Variants in DLG2 observed in about 807,000 individuals in gnomAD.
DLG2 encodes disks large homolog 2.
DLG2 carries 45 observed loss-of-function variants against 132.5 expected under a neutral mutation model. The ratio of observed to expected loss-of-function variants is 0.34; its 90% confidence interval spans 0.27 to 0.44. The LOEUF is 0.44. DLG2 is among the 20% of genes least tolerant of loss of function. DLG2 has a pLI of 1.00. For synonymous variants in DLG2, 424 were observed against 419.6 expected, an observed-to-expected ratio of 1.01 and a Z score of -0.13; for missense variants, 1,045 against 1,196.9, an observed-to-expected ratio of 0.87 and a Z score of 1.87.
At chr11:84,249,133 C>T (rs1481788874) in intron 8 of DLG2, among the ~76,000 whole-genome samples, 1 of 152,152 alleles carries the variant, frequency 6.6e-6, no homozygotes, top group Non-Finnish European at 1.5e-5. Context: ...AATTTAGATC[C>T]ACCACAAGAA....
intron 6 of DLG2, among the ~76,000 whole-genome samples, chr11:84,680,896 G>C (rs1194622956): frequency 6.6e-6 from 1 of 152,146 alleles, no homozygotes; most frequent in East Asian, 1.9e-4. Context: ...GAGAAAAGTA[G>C]ATTCTTTCAC....
chr11:85,221,976 C>G (rs1414673929), intron 4 of DLG2, among the ~76,000 whole-genome samples: 6 of 151,650 alleles, frequency 4.0e-5, no homozygotes, highest in African/African-American at 1.2e-4. Flanking sequence ...CTCACTCTGC[C>G]AGCCAGGCTG....
chr11:83,631,798 C>T (rs1591320755), intron 19 of DLG2: 1 of 152,190 alleles, frequency 6.6e-6, no homozygotes, highest in Middle Eastern at 3.4e-3. Flanking sequence ...TGATTTAGTT[C>T]TATCCTATTA....
At chr11:85,103,234 C>T (rs985430334) in intron 6 of DLG2, among the ~76,000 whole-genome samples, 1 of 151,928 alleles carries the variant, frequency 6.6e-6, no homozygotes, top group Admixed American at 6.6e-5. Flanking sequence ...TCCCAGCAGG[C>T]TTCTGTAGAA....
chr11:84,750,535 C>G (rs958710225), intron 6 of DLG2, among the ~76,000 whole-genome samples: 1 of 151,746 alleles, frequency 6.6e-6, no homozygotes. Flanking sequence ...AAATAAATAT[C>G]ATATATAAAT....
intron 6 of DLG2, among the ~76,000 whole-genome samples, chr11:84,779,979 A>G (rs934192664): frequency 1.3e-5 from 2 of 151,966 alleles, no homozygotes; most frequent in African/African-American, 4.8e-5. Flanking sequence ...AACTAATACC[A>G]ATCCTCCTAA....
chr11:83,985,918 G>C (rs1050227410), intron 11 of DLG2, among the ~76,000 whole-genome samples: 11 of 151,910 alleles, frequency 7.2e-5, no homozygotes, highest in Admixed American at 6.6e-5. Context: ...AGGTCTTTGA[G>C]GAATTGCCAC....
intron 6 of DLG2, among the ~76,000 whole-genome samples, chr11:84,891,954 T>C (rs2089464099): frequency 6.6e-6 from 1 of 152,200 alleles, no homozygotes; most frequent in Non-Finnish European, 1.5e-5. Context: ...TTCAAGTGAA[T>C]TTTAGATTTC....
At chr11:84,062,533 T>C (rs895863183) in intron 10 of DLG2, among the ~76,000 whole-genome samples, 1 of 152,222 alleles carries the variant, frequency 6.6e-6, no homozygotes, top group Non-Finnish European at 1.5e-5. Context: ...GGACATACTA[T>C]GTGCAATATC....
intron 3 of DLG2, among the ~76,000 whole-genome samples, chr11:85,406,062 T>C (rs76556807): frequency 1.3e-5 from 2 of 151,940 alleles, no homozygotes; most frequent in African/African-American, 2.4e-5. Context: ...TCTTATGTCA[T>C]AGTGAGTACT....
At chr11:83,914,216 T>C (rs1191513091) in intron 15 of DLG2, among the ~76,000 whole-genome samples, 1 of 152,102 alleles carries the variant, frequency 6.6e-6, no homozygotes, top group Non-Finnish European at 1.5e-5. Context: ...GAGTGAGTTT[T>C]CACTGTTAGT....
At chr11:83,777,957 T>G (rs1265090235) in intron 18 of DLG2, among the ~76,000 whole-genome samples, 1 of 152,156 alleles carries the variant, frequency 6.6e-6, no homozygotes, top group African/African-American at 2.4e-5. Flanking sequence ...GGAATCCATG[T>G]TCAGAAAAGT....
At chr11:84,840,390 T>C (rs1161099463) in intron 6 of DLG2, among the ~76,000 whole-genome samples, 1 of 152,212 alleles carries the variant, frequency 6.6e-6, no homozygotes, top group East Asian at 1.9e-4. Flanking sequence ...ACACTGTTGA[T>C]GGTAGTGTAA....
At chr11:84,767,639 A>C (rs537794852) in intron 6 of DLG2, among the ~76,000 whole-genome samples, 113 of 151,746 alleles carry the variant, frequency 7.4e-4, no homozygotes, top group Non-Finnish European at 1.3e-3. Context: ...TTTTTTTATT[A>C]AGCTATGTGA....
rs945823367 is a variant in DLG2 at position 84,663,488 on chromosome 11, T to A, written c.358-128757A>T. Among the ~76,000 whole-genome samples the A allele has an allele frequency of 5.5e-4, 83 of 152,032 alleles. 7 individuals are homozygous for A. Among genetic ancestry groups the A allele is most frequent in the Non-Finnish European group, 8.8e-5 (6 of 67,980 alleles). On this transcript the variant is annotated intron_variant, in intron 6 of 27. Coordinates refer to ENST00000376104, the MANE Select transcript of DLG2 (RefSeq NM_001142699.3). ...GTACCTTTTCTTATGAATCTGTGCGTCTCCAGAGTAGACACAGAGCACAGC... is the reference window on the plus strand; with the variant it reads ...GTACCTTTTCTTATGAATCTGTGCGACTCCAGAGTAGACACAGAGCACAGC...
At chr11:84,321,295 C>T (rs966069100) in intron 7 of DLG2, among the ~76,000 whole-genome samples, 2 of 151,714 alleles carry the variant, frequency 1.3e-5, no homozygotes, top group African/African-American at 4.8e-5. Context: ...TCTAACTGGT[C>T]TCTCGCATAC....
chr11:83,585,484 T>G (rs1477952858), intron 19 of DLG2, among the ~76,000 whole-genome samples: 1 of 152,240 alleles, frequency 6.6e-6, no homozygotes, highest in Non-Finnish European at 1.5e-5. Context: ...CTACTTATAC[T>G]GGTGTCATCC....
At chr11:84,674,040 C>G (rs2099708794) in intron 6 of DLG2, among the ~76,000 whole-genome samples, 1 of 152,150 alleles carries the variant, frequency 6.6e-6, no homozygotes, top group African/African-American at 2.4e-5. Flanking sequence ...ACAAAACTCA[C>G]ATAATGTAGG....
intron 3 of DLG2, among the ~76,000 whole-genome samples, chr11:85,349,138 C>T (rs955755808): frequency 1.3e-5 from 2 of 152,062 alleles, no homozygotes; most frequent in Non-Finnish European, 2.9e-5. Flanking sequence ...CCAGCATTAA[C>T]ATTAAAACAG....
Sources: allele counts gnomAD v4.1 joint callset (sites outside exome capture counted in the v4.1 genomes callset), GRCh38; gene constraint gnomAD v4.1.1; transcripts MANE v1.5; gene names NCBI Gene and HGNC (gene_info 2026-07-23, HGNC 2026-07-21).